PDZD2: variants seen among roughly 807,000 people sequenced by gnomAD.
The protein encoded by PDZD2 is PDZ domain-containing protein 2.
A neutral mutation model predicts 220.7 loss-of-function variants in PDZD2; 90 were observed. The observed-to-expected ratio is 0.41, with a 90% CI of 0.34 to 0.49. PDZD2 has a LOEUF of 0.49. Ranked by LOEUF, PDZD2 falls within the 20% of genes least tolerant of loss-of-function variation. The pLI is 0.28. For missense variants in PDZD2, 3,174 were observed against 3,608.5 expected (o/e 0.88, Z 3.08); for synonymous variants, 1,375 against 1,450.5 (o/e 0.95, Z 1.18).
At chr5:32,014,099 C>A (rs1753539972) in intron 6 of PDZD2, among the ~76,000 whole-genome samples, 1 of 152,148 alleles carries the variant, frequency 6.6e-6, no homozygotes. Context: ...TTCTTTGTTT[C>A]AGCGTTTTTA....
intron 2 of PDZD2, among the ~76,000 whole-genome samples, chr5:31,917,290 A>G (rs1399375164): frequency 1.3e-5 from 2 of 152,210 alleles, no homozygotes; most frequent in Non-Finnish European, 2.9e-5. Context: ...GCTCACGTCT[A>G]TAATCCCAGC....
intron 3 of PDZD2, among the ~76,000 whole-genome samples, chr5:31,993,349 C>T (rs1751378882): frequency 1.3e-5 from 2 of 152,258 alleles, no homozygotes; most frequent in Admixed American, 1.3e-4. Flanking sequence ...GCGTCTGTTC[C>T]TGGGATAGCG....
intron 1 of PDZD2, among the ~76,000 whole-genome samples, chr5:31,740,760 T>G (rs539653154): frequency 6.6e-6 from 1 of 152,264 alleles, no homozygotes; most frequent in South Asian, 2.1e-4. Context: ...CCTTGCAAAT[T>G]GGTGTGCATG....
intron 1 of PDZD2, among the ~76,000 whole-genome samples, chr5:31,796,879 G>C (rs1056521896): frequency 7.2e-5 from 11 of 151,738 alleles, no homozygotes; most frequent in African/African-American, 2.7e-4. Flanking sequence ...CTTATTTAAA[G>C]AGCATCTTGA....
intron 2 of PDZD2, chr5:31,854,818 C>G (rs567866796): frequency 3.3e-5 from 7 of 213,942 alleles, no homozygotes; most frequent in Non-Finnish European, 4.8e-5. Context: ...CTTGGAATGC[C>G]GTGGGGTTTT....
At chr5:31,991,832 C>T (rs1388565313) in intron 3 of PDZD2, among the ~76,000 whole-genome samples, 1 of 152,160 alleles carries the variant, frequency 6.6e-6, no homozygotes, top group Non-Finnish European at 1.5e-5. Flanking sequence ...AGTTCAAGAC[C>T]AGCCTGGCCA....
At chr5:31,822,474 C>T (rs1755946532) in intron 2 of PDZD2, 2 of 441,610 alleles carry the variant, frequency 4.5e-6, no homozygotes, top group Admixed American at 6.8e-5. Flanking sequence ...ATCAATAGGT[C>T]TTTTATTGCA....
chr5:31,823,203 A>G (rs1458124147), intron 2 of PDZD2: 1 of 365,192 alleles, frequency 2.7e-6, no homozygotes, highest in Non-Finnish European at 5.1e-6. Context: ...TTTGTGGCTC[A>G]CGCCTGTAAT....
chr5:31,870,053 C>T (rs1490497778), intron 2 of PDZD2, among the ~76,000 whole-genome samples: 1 of 152,154 alleles, frequency 6.6e-6, no homozygotes, highest in Non-Finnish European at 1.5e-5. Context: ...CTGACCTCAT[C>T]ATGTTGGCCA....
intron 2 of PDZD2, among the ~76,000 whole-genome samples, chr5:31,836,379 GCAC>G (rs1241806836): frequency 6.6e-6 from 1 of 151,874 alleles, no homozygotes; most frequent in African/African-American, 2.4e-5. Flanking sequence ...TTACAGATGT[GCAC>G]CACCACACCT....
chr5:31,718,190 G>T (rs958099771), intron 1 of PDZD2, among the ~76,000 whole-genome samples: 5 of 152,210 alleles, frequency 3.3e-5, no homozygotes, highest in African/African-American at 1.2e-4. Context: ...CAGTGGGGTT[G>T]GTGAGTTGGG....
chr5:32,078,638 T>TAGA (rs1733700467), intron 19 of PDZD2, among the ~76,000 whole-genome samples: 1 of 104,924 alleles, frequency 9.5e-6, no homozygotes, highest in Admixed American at 1.1e-4. Flanking sequence ...TCTCAAAAAT[T>TAGA]AAAAAAAAAA....
At chr5:31,703,525 A>G (rs753419785) in intron 1 of PDZD2, among the ~76,000 whole-genome samples, 11 of 152,198 alleles carry the variant, frequency 7.2e-5, no homozygotes, top group Non-Finnish European at 1.5e-4. Flanking sequence ...TACCTAACGC[A>G]TGCGGGGCTT....
intron 1 of PDZD2, among the ~76,000 whole-genome samples, chr5:31,663,769 G>A (rs992844238): frequency 1.3e-5 from 2 of 152,188 alleles, no homozygotes; most frequent in Non-Finnish European, 2.9e-5. Flanking sequence ...TTGTTCCTAG[G>A]ATGGTCACTG....
intron 10 of PDZD2, among the ~76,000 whole-genome samples, chr5:32,057,329 C>T (rs1310343079): frequency 6.6e-6 from 1 of 152,074 alleles, no homozygotes; most frequent in African/African-American, 2.4e-5. Flanking sequence ...CTATGAGGAA[C>T]GCCTTTGAAC....
chr5:31,994,675 C>G (rs1375331621), intron 3 of PDZD2, among the ~76,000 whole-genome samples: 1 of 151,526 alleles, frequency 6.6e-6, no homozygotes, highest in Non-Finnish European at 1.5e-5. Context: ...TTTGTAGAGA[C>G]GGGGTTTCAC....
intron 1 of PDZD2, among the ~76,000 whole-genome samples, chr5:31,677,774 C>T (rs893974945): frequency 5.9e-5 from 9 of 152,046 alleles, no homozygotes; most frequent in Non-Finnish European, 7.3e-5. Context: ...AGAGTACATA[C>T]GGCATAAATG....
chr5:31,958,209 C>T (rs1747898260), intron 2 of PDZD2, among the ~76,000 whole-genome samples: 2 of 151,968 alleles, frequency 1.3e-5, no homozygotes, highest in Admixed American at 1.3e-4. Context: ...AAATGGCAGG[C>T]ATCATTTGTG....
At chr5:32,040,500 G>C (rs572474081) in intron 7 of PDZD2, among the ~76,000 whole-genome samples, 4 of 145,388 alleles carry the variant, frequency 2.8e-5, no homozygotes, top group African/African-American at 1.0e-4. Flanking sequence ...AATGGGGAGC[G>C]CCTCTGCCCG....
Sources: gnomAD v4.1 joint callset for allele counts (sites outside exome capture counted in the v4.1 genomes callset) on GRCh38, gnomAD v4.1.1 for gene constraint, MANE v1.5 for transcripts, NCBI Gene and HGNC (gene_info 2026-07-23, HGNC 2026-07-21) for gene names.